Variants in PTPRZ1 observed in about 807,000 individuals in gnomAD.
The protein encoded by PTPRZ1 is protein tyrosine phosphatase receptor type Z1.
Under a neutral mutation model 214.1 loss-of-function variants are expected in PTPRZ1, and 82 were observed. The observed-to-expected ratio is 0.38, with a 90% confidence interval of 0.32 to 0.46. PTPRZ1 has a LOEUF of 0.46. Among genes scored for constraint, PTPRZ1 ranks in the 20% least tolerant of loss-of-function variants. The pLI is 1.00. For synonymous variants in PTPRZ1, 945 were observed against 987.9 expected (o/e 0.96, Z 0.81); for missense variants, 2,603 against 2,748.7 (o/e 0.95, Z 1.19).
chr7:122,013,300 T>C lies in PTPRZ1; in HGVS notation c.4254T>C (p.Asp1418=), dbSNP rs1181520126. 6.2e-7 allele frequency: 1 copy of C among 1,603,768 alleles called. No individual in the cohort carries two copies. The highest frequency in any genetic ancestry group is 8.5e-7 in the Non-Finnish European group (1 of 1,177,222). The change falls in exon 12 of 30, where the codon GAT becomes GAC. Residue 1418 remains aspartate (D), a synonymous_variant. Coordinates refer to ENST00000393386, the MANE Select transcript of PTPRZ1 (RefSeq NM_002851.3). ...SDAGLVGGGE[D]GDTDDDGDDD... Reference sequence around the variant, plus strand: ...CCGGTTTAGTGGGTGGTGGTGAAGATGGTGACACTGATGATGATGGTGATG... The same window carrying C: ...CCGGTTTAGTGGGTGGTGGTGAAGACGGTGACACTGATGATGATGGTGATG...
chr7:121,886,520 C>T (rs911745541), intron 1 of PTPRZ1, among the ~76,000 whole-genome samples: 1 of 151,142 alleles, frequency 6.6e-6, no homozygotes, highest in African/African-American at 2.4e-5. Context: ...ACAAACCCAT[C>T]TACTATCAGA....
intron 1 of PTPRZ1, among the ~76,000 whole-genome samples, chr7:121,915,632 A>G (rs1053411966): frequency 9.9e-5 from 15 of 152,212 alleles, no homozygotes; most frequent in African/African-American, 3.4e-4. Flanking sequence ...CACAAAATGC[A>G]TATTATGTGA....
chr7:121,944,294 C>T (rs1380728707), intron 2 of PTPRZ1, among the ~76,000 whole-genome samples: 1 of 152,078 alleles, frequency 6.6e-6, no homozygotes, highest in Non-Finnish European at 1.5e-5. Flanking sequence ...TTACCTGACT[C>T]CAGAAGATCC....
Position 122,012,055 on chromosome 7 carries a change from T to A in PTPRZ1, c.3009T>A (p.Ser1003Arg). 1 of 1,614,252 alleles carries A rather than the reference T, an allele frequency of 6.2e-7. No individual in the cohort carries two copies. Among genetic ancestry groups the A allele is most frequent in the Non-Finnish European group, 8.5e-7 (1 of 1,180,044 alleles). The change falls in exon 12 of 30, where the codon AGT becomes AGA. Residue 1003 changes from serine to arginine, a missense_variant. Coordinates refer to ENST00000393386, the MANE Select transcript of PTPRZ1 (RefSeq NM_002851.3). ...AATGGTCTGGAGCCTCTTCTGATAG[T>A]GAATTTCTTTTACCTGACACAGATG... ...DGEWSGASSD[S>R]EFLLPDTDGL...
At chr7:122,044,614 G>A (rs1205470917) in intron 23 of PTPRZ1, 46 bp downstream of exon 23, 15 of 1,585,616 alleles carry the variant, frequency 9.5e-6, no homozygotes, top group Non-Finnish European at 1.3e-5. Flanking sequence ...AGAACTGAAT[G>A]TCCCTGCATC....
intron 18 of PTPRZ1, among the ~76,000 whole-genome samples, chr7:122,037,057 G>C (rs2150475078): frequency 6.6e-6 from 1 of 151,728 alleles, no homozygotes; most frequent in Admixed American, 6.6e-5. Flanking sequence ...CGGATCACGA[G>C]GTCAGAAGAT....
At chr7:121,919,473 A>G (rs1394449307) in intron 1 of PTPRZ1, among the ~76,000 whole-genome samples, 1 of 152,084 alleles carries the variant, frequency 6.6e-6, no homozygotes, top group Non-Finnish European at 1.5e-5. Flanking sequence ...ACATTTCTCT[A>G]TACAAGTTTT....
At chr7:121,983,448 G>A (rs894721313) in intron 6 of PTPRZ1, among the ~76,000 whole-genome samples, 1 of 152,160 alleles carries the variant, frequency 6.6e-6, no homozygotes, top group African/African-American at 2.4e-5. Flanking sequence ...TCACCATCTT[G>A]ATGTAAAGAT....
intron 1 of PTPRZ1, among the ~76,000 whole-genome samples, chr7:121,905,639 G>T (rs1377570598): frequency 1.6e-5 from 1 of 63,802 alleles, no homozygotes; most frequent in Non-Finnish European, 3.3e-5. Context: ...CGAATTCTGG[G>T]TTCTATTCTT....
At chr7:121,994,233 A>AT (rs1325957812) in intron 8 of PTPRZ1, among the ~76,000 whole-genome samples, 4 of 116,192 alleles carry the variant, frequency 3.4e-5, no homozygotes, top group South Asian at 2.8e-4. Flanking sequence ...TGAATCCTTT[A>AT]TTTTTTTCTT....
At chr7:121,909,683 G>T (rs1795214692) in intron 1 of PTPRZ1, among the ~76,000 whole-genome samples, 1 of 152,088 alleles carries the variant, frequency 6.6e-6, no homozygotes, top group African/African-American at 2.4e-5. Flanking sequence ...TATACTCTAG[G>T]TTTGGAGAGA....
In PTPRZ1 at chr7:121,903,082, G is replaced by C. The variant is rs547788320; in HGVS notation, c.59-25074G>C. Among the ~76,000 whole-genome samples, 9 of 152,268 alleles carry C rather than the reference G, an allele frequency of 5.9e-5. 1 individual carries two copies. The South Asian group carries it at 1.7e-3, about 28-fold the overall frequency. On this transcript the variant is annotated intron_variant, in intron 1 of 29. Coordinates refer to ENST00000393386, the MANE Select transcript of PTPRZ1 (RefSeq NM_002851.3). Reference sequence around the variant, plus strand: ...TGTCATGCACTGGGCTGACTGCTGGGAATATAGAGGAGAACAAGACTGTCC... The same window carrying C: ...TGTCATGCACTGGGCTGACTGCTGGCAATATAGAGGAGAACAAGACTGTCC...
In PTPRZ1 at chr7:121,916,208, AGGTT is replaced by A. The variant is rs375234422; in HGVS notation, c.59-11946_59-11943del. 1.9e-4 allele frequency among the ~76,000 whole-genome samples: 27 copies of A among 145,528 alleles called. No individual in the cohort carries two copies. The East Asian group carries it at 4.8e-3, about 26-fold the overall frequency. ...AGAATCACTTGAACCTGGGAGCCGG[AGGTT>A]GCAGTGAGCCGAGATCGTGCCACTG... On this transcript the variant is annotated intron_variant, in intron 1 of 29. Coordinates refer to ENST00000393386, the MANE Select transcript of PTPRZ1 (RefSeq NM_002851.3).
chr7:121,958,212 C>T (rs1189942002), intron 2 of PTPRZ1, among the ~76,000 whole-genome samples: 5 of 152,152 alleles, frequency 3.3e-5, no homozygotes, highest in South Asian at 2.1e-4. Context: ...TATCATTTCA[C>T]GGAAATTGAT....
At chr7:121,973,849 A>G (rs1797337558) in intron 4 of PTPRZ1, among the ~76,000 whole-genome samples, 1 of 145,516 alleles carries the variant, frequency 6.9e-6, no homozygotes, top group Non-Finnish European at 1.5e-5. Flanking sequence ...CATGGGAATC[A>G]CTTGAACTCA....
intron 27 of PTPRZ1, among the ~76,000 whole-genome samples, chr7:122,056,460 G>C (rs1342179717): frequency 2.0e-5 from 3 of 151,670 alleles, no homozygotes; most frequent in African/African-American, 2.4e-5. Flanking sequence ...GATCAAAAAA[G>C]AAGGAAAGAC....
chr7:121,996,464 C>T lies in PTPRZ1; in HGVS notation c.1011C>T (p.Val337=), dbSNP rs181131865. The T allele has an allele frequency of 1.7e-5, 28 of 1,613,142 alleles. No homozygotes were observed. In the East Asian group the frequency reaches 5.8e-4, roughly 33 times the overall value. ...SLLVTWERPR[V]VYDTMIEKFA... is the part of the protein sequence containing the mutation. ...TTGTTACATGGGAAAGACCTCGAGT[C>T]GTTTATGATACCATGATTGAGAAGT... The change falls in exon 9 of 30, where the codon GTC becomes GTT. Residue 337 remains valine, a synonymous_variant. Transcript: ENST00000393386.
At chr7:121,915,489 T>C (rs1261606295) in intron 1 of PTPRZ1, among the ~76,000 whole-genome samples, 4 of 152,210 alleles carry the variant, frequency 2.6e-5, no homozygotes, top group African/African-American at 9.7e-5. Flanking sequence ...GCAAGCCATT[T>C]CTGAAGTTAA....
At chr7:121,965,378 GTTTC>G (rs977824772) in intron 2 of PTPRZ1, among the ~76,000 whole-genome samples, 4 of 137,048 alleles carry the variant, frequency 2.9e-5, no homozygotes, top group Non-Finnish European at 6.3e-5. Context: ...TTGTTTGTTT[GTTTC>G]ACTGGTTGGG....
Sources: gnomAD v4.1 joint callset for allele counts (sites outside exome capture counted in the v4.1 genomes callset) on GRCh38, gnomAD v4.1.1 for gene constraint, MANE v1.5 for transcripts, NCBI Gene and HGNC (gene_info 2026-07-23, HGNC 2026-07-21) for gene names.